PCGF2: variants seen among roughly 807,000 people sequenced by gnomAD.
PCGF2 encodes the protein polycomb group RING finger protein 2.
In PCGF2, 8 loss-of-function variants were observed where a neutral mutation model predicts 36.1. That is an observed-to-expected ratio of 0.22 (90% CI 0.13 to 0.40). PCGF2 has a LOEUF of 0.40. PCGF2 is among the 10% of genes least tolerant of loss of function. The pLI, the probability that PCGF2 is intolerant of heterozygous loss-of-function variation, is 1.00. For synonymous variants in PCGF2, 198 were observed against 191.2 expected, an observed-to-expected ratio of 1.04 and a Z score of -0.29; for missense variants, 436 against 475.9, an observed-to-expected ratio of 0.92 and a Z score of 0.78.
chr17:38,746,080 A>G (rs1907518492), intron 2 of PCGF2, among the ~76,000 whole-genome samples: 1 of 152,034 alleles, frequency 6.6e-6, no homozygotes, highest in Non-Finnish European at 1.5e-5. Flanking sequence ...AATCCTTGAC[A>G]ATGGCACAAA....
At chr17:38,742,338 G>A (rs530420326) in intron 2 of PCGF2, among the ~76,000 whole-genome samples, 2 of 152,290 alleles carry the variant, frequency 1.3e-5, no homozygotes, top group South Asian at 4.1e-4. Context: ...GAGTTTTCTA[G>A]GACAAGAAAT....
At chr17:38,746,390 A>G (rs1907538357) in intron 2 of PCGF2, 1 of 146,272 alleles carries the variant, frequency 6.8e-6, no homozygotes, top group African/African-American at 2.6e-5. Context: ...TGCAGAAGCC[A>G]TCCACATCCA....
chr17:38,747,022 C>T (rs563382327), intron 2 of PCGF2, among the ~76,000 whole-genome samples: 2 of 152,254 alleles, frequency 1.3e-5, no homozygotes, highest in East Asian at 1.9e-4. Context: ...AGACAGCCCT[C>T]CCCTCGAGAC....
At chr17:38,741,830 T>C (rs1907220177) in intron 2 of PCGF2, among the ~76,000 whole-genome samples, 1 of 152,178 alleles carries the variant, frequency 6.6e-6, no homozygotes, top group Non-Finnish European at 1.5e-5. Context: ...CAGGAATCCC[T>C]GCCAGTGTCC....
chr17:38,740,541 C>T (rs991931178), intron 2 of PCGF2, 99 bp from the exon 3 acceptor site: 36 of 781,000 alleles, frequency 4.6e-5, no homozygotes, highest in Admixed American at 2.3e-4. Context: ...GGGCGGATCA[C>T]GAGGTCAGGA....
chr17:38,735,267 GC>G lies in PCGF2; in HGVS notation c.990del (p.Arg331AlafsTer3), dbSNP rs1329541741. On this transcript the variant is annotated frameshift_variant, in exon 11 of 11. Transcript: ENST00000620225. LOFTEE classifies it high-confidence loss of function. The stretch of plus-strand genomic sequence containing the variant: ...GGAGCGCCGTTGACAGTCATCTTGC[GC>G]CCCCTGCTGGTGGAGGATGGTGTCT... The part of the protein sequence containing the change: ...CLQTPSSTSR[G>X]RKMTVNGAPV... 5 of 1,466,676 alleles carry G rather than the reference GC, an allele frequency of 3.4e-6. No individual in the cohort carries two copies. Among genetic ancestry groups the G allele is most frequent in the Non-Finnish European group, 4.6e-6 (5 of 1,098,578 alleles). 90.9% of individuals were successfully genotyped at this position (1,466,676 alleles called of 1,614,324 possible).
Position 38,740,380 on chromosome 17 carries a change from T to TTGATCCGTGTAGTCCGATGCATGATTC in PCGF2, c.-5_22dup (p.Ile7_Lys8insArgIleMetHisArgThrThrArgIle). The TTGATCCGTGTAGTCCGATGCATGATTC allele has an allele frequency of 6.8e-7, 1 of 1,476,218 alleles. No individual in the cohort carries two copies. The highest frequency in any genetic ancestry group is 3.0e-5 in the East Asian group (1 of 33,416). The allele number at this position is 1,476,218 out of a possible 1,614,324, so 91.4% of individuals were successfully genotyped here. A position where few individuals can be genotyped will look rare whatever the true frequency, so the allele number is the denominator to read the frequency against. On this transcript the variant is annotated inframe_insertion, in exon 3 of 11. Coordinates refer to ENST00000620225, the MANE Select transcript of PCGF2 (RefSeq NM_007144.3). ...GAGGTGGGGGTTCAGCTCTGTGATT[T>TTGATCCGTGTAGTCCGATGCATGATTC]TGATCCGTGTAGTCCGATGCATGAT...
Position 38,736,104 on chromosome 17 carries a change from A to G in PCGF2, c.643T>C (p.Tyr215His). Residue 215 changes from tyrosine to histidine, a missense_variant, in exon 10 of 11, where the codon TAC becomes CAC. By Grantham distance (83) the Tyr-to-His change is moderately conservative. Around this residue, in one of 3 missense-constraint regions of PCGF2, gnomAD observed 227 missense variants for 212.9 expected, o/e 1.07. Coordinates refer to ENST00000620225, the MANE Select transcript of PCGF2 (RefSeq NM_007144.3). ...CGCTGGCTCACCCGCCGCCAGGGGTAGATGTAGGCGATGTCCATGAGGGTG... is the reference window on the plus strand; with the variant it reads ...CGCTGGCTCACCCGCCGCCAGGGGTGGATGTAGGCGATGTCCATGAGGGTG... ...YYTLMDIAYI[Y>H]PWRRNGPLPL... 2 of 1,579,936 alleles carry G rather than the reference A, an allele frequency of 1.3e-6. No homozygotes were observed. Among genetic ancestry groups the G allele is most frequent in the East Asian group, 2.3e-5 (1 of 43,652 alleles).
intron 2 of PCGF2, among the ~76,000 whole-genome samples, chr17:38,742,824 A>T (rs2143128969): frequency 6.6e-6 from 1 of 152,318 alleles, no homozygotes; most frequent in South Asian, 2.1e-4. Context: ...CTCCAAAGGT[A>T]CTTCCTGTGA....
intron 3 of PCGF2, 72 bp downstream of exon 3, chr17:38,740,219 C>A: frequency 7.3e-7 from 1 of 1,376,626 alleles, no homozygotes. Context: ...TGCTACCTTC[C>A]TCAGGCCGTG....
At chr17:38,740,179 C>G in intron 3 of PCGF2, 112 bp downstream of exon 3, 2 of 887,642 alleles carry the variant, frequency 2.3e-6, no homozygotes, top group Non-Finnish European at 3.6e-6. Flanking sequence ...GACACGTGGG[C>G]GCGTTGGCTC....
chr17:38,748,475 T>G (rs1333162289), upstream of PCGF2: 1 of 149,864 alleles, frequency 6.7e-6, no homozygotes, highest in Non-Finnish European at 1.5e-5. Context: ...GTGACCTCAT[T>G]CCTTCAGGAT....
At chr17:38,745,204 C>G (rs548005567) in intron 2 of PCGF2, among the ~76,000 whole-genome samples, 3 of 152,200 alleles carry the variant, frequency 2.0e-5, no homozygotes, top group Admixed American at 6.5e-5. Flanking sequence ...TGGTGGCACG[C>G]GCCTCTAGTC....
At chr17:38,736,720 G>A (rs2143071037) in intron 9 of PCGF2, among the ~76,000 whole-genome samples, 1 of 152,284 alleles carries the variant, frequency 6.6e-6, no homozygotes, top group South Asian at 2.1e-4. Flanking sequence ...TGTAGTCCCA[G>A]CTACTCGGGA....
intron 2 of PCGF2, among the ~76,000 whole-genome samples, chr17:38,741,211 CAGTG>C (rs904752091): frequency 2.0e-5 from 3 of 151,818 alleles, no homozygotes; most frequent in African/African-American, 7.3e-5. Flanking sequence ...GTCGAGGCTA[CAGTG>C]AGCCGTGATT....
chr17:38,743,860 G>A (rs1407883423), intron 2 of PCGF2, among the ~76,000 whole-genome samples: 1 of 152,132 alleles, frequency 6.6e-6, no homozygotes, highest in Non-Finnish European at 1.5e-5. Flanking sequence ...CTGTGAGAAG[G>A]TGAGGGAAAA....
intron 9 of PCGF2, among the ~76,000 whole-genome samples, chr17:38,737,006 C>T (rs1344886005): frequency 6.6e-6 from 1 of 151,772 alleles, no homozygotes; most frequent in Admixed American, 6.6e-5. Flanking sequence ...GTGCCACATG[C>T]CTGTATCCCA....
intron 9 of PCGF2, among the ~76,000 whole-genome samples, chr17:38,736,498 C>G (rs549048982): frequency 1.3e-5 from 2 of 152,276 alleles, no homozygotes; most frequent in African/African-American, 4.8e-5. Flanking sequence ...AACTCTGGCT[C>G]TCACCCCCAG....
upstream of PCGF2, among the ~76,000 whole-genome samples, chr17:38,748,908 C>T (rs753812410): frequency 1.3e-5 from 2 of 152,164 alleles, no homozygotes. Flanking sequence ...ACTCCCCTTG[C>T]CCCCTCGGCG....
Sources: gnomAD v4.1 joint callset for allele counts (sites outside exome capture counted in the v4.1 genomes callset) on GRCh38, gnomAD v4.1.1 for gene constraint, gnomAD v4.1.1 regional missense constraint, MANE v1.5 for transcripts, NCBI Gene and HGNC (gene_info 2026-07-23, HGNC 2026-07-21) for gene names.